SUPT3H: variants seen among roughly 807,000 people sequenced by gnomAD.
SUPT3H encodes SPT3 homolog, SAGA and STAGA complex component.
Under a neutral mutation model 44.3 loss-of-function variants are expected in SUPT3H, and 44 were observed. That is an observed-to-expected ratio of 0.99 (90% CI 0.78 to 1.28). The LOEUF is 1.28. SUPT3H is among the 50% of genes most tolerant of loss of function. The pLI is 0.00. For synonymous variants in SUPT3H, 124 were observed against 125.6 expected (o/e 0.99, Z 0.09); for missense variants, 380 against 387.1 (o/e 0.98, Z 0.15).
At chr6:45,311,128 C>A (rs868575907) in intron 2 of SUPT3H, among the ~76,000 whole-genome samples, 1 of 152,054 alleles carries the variant, frequency 6.6e-6, no homozygotes, top group Non-Finnish European at 1.5e-5. Context: ...TTTAGAAATG[C>A]AAAATGCTCT....
At chr6:45,194,597 G>T (rs2153621168) in intron 2 of SUPT3H, among the ~76,000 whole-genome samples, 1 of 152,230 alleles carries the variant, frequency 6.6e-6, no homozygotes, top group South Asian at 2.1e-4. Flanking sequence ...ATAAGCACAT[G>T]CTGCAAAACA....
At chr6:45,033,678 A>G (rs1206173992) in intron 3 of SUPT3H, among the ~76,000 whole-genome samples, 1 of 152,190 alleles carries the variant, frequency 6.6e-6, no homozygotes, top group African/African-American at 2.4e-5. Flanking sequence ...AGGAGTGTGT[A>G]AAGTTAACAT....
At chr6:45,094,092 G>A (rs1054669070) in intron 3 of SUPT3H, among the ~76,000 whole-genome samples, 1 of 152,110 alleles carries the variant, frequency 6.6e-6, no homozygotes, top group Non-Finnish European at 1.5e-5. Context: ...TCAATCTGGA[G>A]AGTGGGAGTT....
intron 2 of SUPT3H, among the ~76,000 whole-genome samples, chr6:45,233,073 A>G (rs1292570644): frequency 2.6e-5 from 4 of 152,178 alleles, no homozygotes; most frequent in African/African-American, 7.2e-5. Flanking sequence ...CACTTCTCAC[A>G]GCCTGAGACA....
At chr6:45,253,872 T>TATATATATATATATACAC (rs1491408260) in intron 2 of SUPT3H, among the ~76,000 whole-genome samples, 1 of 124,078 alleles carries the variant, frequency 8.1e-6, no homozygotes, top group African/African-American at 2.8e-5. Context: ...TATATATATA[T>TATATATATATATATACAC]ACACACACAC....
At position 45,095,410 on chromosome 6, in the gene SUPT3H, G is replaced by A. The variant is rs533674255; in HGVS notation, c.186+10512C>T. Among the ~76,000 whole-genome samples the A allele has an allele frequency of 2.4e-4, 37 of 152,174 alleles. No individual in the cohort carries two copies. Among genetic ancestry groups the A allele is most frequent in the African/African-American group, 8.7e-4 (36 of 41,544 alleles). On this transcript the variant is annotated intron_variant, in intron 3 of 10. Transcript: ENST00000371459. This position sits in a 1 kb window ranked among gnomAD's most constrained non-coding sequence, Gnocchi z 4.1. The stretch of plus-strand genomic sequence containing the variant: ...AGCTTTGCATGAACTGCTTCTACCA[G>A]GGAAATTAAAAAGCATTACAGGAGG...
intron 3 of SUPT3H, among the ~76,000 whole-genome samples, chr6:45,076,171 G>A (rs1337953049): frequency 6.6e-6 from 1 of 152,112 alleles, no homozygotes; most frequent in Non-Finnish European, 1.5e-5. Flanking sequence ...TACACACAGT[G>A]ATGTCAATTG....
chr6:45,169,531 T>G (rs1810439927), intron 2 of SUPT3H, among the ~76,000 whole-genome samples: 1 of 152,198 alleles, frequency 6.6e-6, no homozygotes, highest in African/African-American at 2.4e-5. Flanking sequence ...TCCAAAATAT[T>G]GCTTGAACAT....
chr6:45,058,462 A>G (rs552062446), intron 3 of SUPT3H, among the ~76,000 whole-genome samples: 5 of 152,270 alleles, frequency 3.3e-5, no homozygotes, highest in Admixed American at 3.3e-4. Flanking sequence ...AATTGCTGTA[A>G]AGATTAAAAT....
chr6:45,012,921 T>A (rs1783708654), intron 5 of SUPT3H, among the ~76,000 whole-genome samples: 1 of 152,134 alleles, frequency 6.6e-6, no homozygotes, highest in East Asian at 1.9e-4. Context: ...GCCTTGAGTA[T>A]GCAAACAATC....
rs1797614756 is a variant in SUPT3H, at chr6:45,095,031, G to A, written c.186+10891C>T. Among the ~76,000 whole-genome samples, 1 of 152,042 alleles carries A rather than the reference G, an allele frequency of 6.6e-6. No homozygotes were observed. Among genetic ancestry groups the A allele is most frequent in the Non-Finnish European group, 1.5e-5 (1 of 67,944 alleles). On this transcript the variant is annotated intron_variant, in intron 3 of 10. Coordinates refer to ENST00000371459, the MANE Select transcript of SUPT3H (RefSeq NM_003599.4). This position sits in a 1 kb window ranked among gnomAD's most constrained non-coding sequence, Gnocchi z 4.1. ...TTACTCCACAGTAGCAGACAGAAAG[G>A]CCGAGAATTTTTTCCCAGATGGTAT...
chr6:45,282,945 A>G (rs1249217164), intron 2 of SUPT3H, among the ~76,000 whole-genome samples: 1 of 152,208 alleles, frequency 6.6e-6, no homozygotes, highest in African/African-American at 2.4e-5. Context: ...ATTCTTAAGG[A>G]AAAGAATTTT....
chr6:44,892,399 G>C (rs771778701), intron 10 of SUPT3H, among the ~76,000 whole-genome samples: 2 of 152,118 alleles, frequency 1.3e-5, no homozygotes, highest in Non-Finnish European at 2.9e-5. Context: ...GCTAGGAAGA[G>C]GGTCCGTACC....
chr6:45,055,504 A>G (rs1790966896), intron 3 of SUPT3H, among the ~76,000 whole-genome samples: 1 of 152,166 alleles, frequency 6.6e-6, no homozygotes, highest in South Asian at 2.1e-4. Flanking sequence ...TAGCATAGAG[A>G]GCCCAGAAAT....
intron 10 of SUPT3H, among the ~76,000 whole-genome samples, chr6:44,850,879 T>G (rs949100691): frequency 1.1e-4 from 16 of 152,184 alleles, no homozygotes; most frequent in African/African-American, 3.6e-4. Flanking sequence ...ATAGTCATAT[T>G]AGCATTCATA....
intron 9 of SUPT3H, 47 bp downstream of exon 9, chr6:44,953,263 G>A (rs754865210): frequency 5.7e-6 from 8 of 1,396,308 alleles, no homozygotes; most frequent in Non-Finnish European, 6.1e-6. Flanking sequence ...TACCAGATAT[G>A]TGTCAAAATT....
chr6:45,167,279 G>T (rs942224351), intron 2 of SUPT3H, among the ~76,000 whole-genome samples: 1 of 152,122 alleles, frequency 6.6e-6, no homozygotes, highest in African/African-American at 2.4e-5. Context: ...GATAGCAACC[G>T]GAAGAATGCT....
At chr6:45,160,882 T>C (rs970698858) in intron 2 of SUPT3H, among the ~76,000 whole-genome samples, 4 of 152,096 alleles carry the variant, frequency 2.6e-5, no homozygotes, top group Non-Finnish European at 5.9e-5. Context: ...ATTGATAAGT[T>C]TGAATGTTCC....
At chr6:44,819,286 TAGGGAC>T (rs1754952194) in intron 11 of SUPT3H, among the ~76,000 whole-genome samples, 1 of 152,200 alleles carries the variant, frequency 6.6e-6, no homozygotes, top group East Asian at 1.9e-4. Flanking sequence ...TAAAAAATGA[TAGGGAC>T]AGAATGAGTG....
Sources: gnomAD v4.1 joint callset for allele counts (sites outside exome capture counted in the v4.1 genomes callset) on GRCh38, gnomAD v4.1.1 for gene constraint, Gnocchi (gnomAD v3.1) non-coding constraint, MANE v1.5 for transcripts, NCBI Gene and HGNC (gene_info 2026-07-23, HGNC 2026-07-21) for gene names.